The following DCDC1 variants were observed in gnomAD, a reference collection of about 807,000 sequenced individuals.
The protein encoded by DCDC1 is doublecortin domain containing 1, also known as doublecortin domain-containing protein 1.
A neutral mutation model predicts 178.3 loss-of-function variants in DCDC1; 200 were observed. The ratio of observed to expected loss-of-function variants is 1.12; its 90% CI spans 1.00 to 1.26. The LOEUF (loss-of-function observed/expected upper bound fraction) is 1.26, where lower values mean the gene tolerates loss of function less well. DCDC1 is among the 50% of genes most tolerant of loss of function. The probability of loss-of-function intolerance (pLI) is 0.00; values close to 1 mark genes in which losing one functional copy is unlikely to be tolerated. For synonymous variants in DCDC1, 690 were observed against 604.8 expected (o/e 1.14, Z -2.07); for missense variants, 1,983 against 1,749.2 (o/e 1.13, Z -2.38).
intron 21 of DCDC1, among the ~76,000 whole-genome samples, chr11:30,936,686 A>G (rs1382452680): frequency 6.6e-6 from 1 of 152,188 alleles, no homozygotes; most frequent in Non-Finnish European, 1.5e-5. Flanking sequence ...CTGGGCCTTA[A>G]TAAGCACATT....
At chr11:31,020,589 T>C (rs1190016370) in intron 20 of DCDC1, among the ~76,000 whole-genome samples, 1 of 152,114 alleles carries the variant, frequency 6.6e-6, no homozygotes, top group South Asian at 2.1e-4. Context: ...TCTTAGATTA[T>C]TTTATAATTT....
At chr11:31,064,178 A>G (rs1956122496) in intron 20 of DCDC1, among the ~76,000 whole-genome samples, 1 of 152,126 alleles carries the variant, frequency 6.6e-6, no homozygotes, top group Non-Finnish European at 1.5e-5. Flanking sequence ...TATGGTCTGT[A>G]GTACCTTAGC....
chr11:30,967,997 A>G (rs1343627802), intron 20 of DCDC1, among the ~76,000 whole-genome samples: 1 of 152,180 alleles, frequency 6.6e-6, no homozygotes, highest in Non-Finnish European at 1.5e-5. Context: ...ATGAAATAAC[A>G]AGGATGCTTT....
intron 9 of DCDC1, among the ~76,000 whole-genome samples, chr11:31,228,670 T>C (rs960846231): frequency 6.6e-6 from 1 of 151,970 alleles, no homozygotes; most frequent in Non-Finnish European, 1.5e-5. Context: ...ACGAGTTAAG[T>C]AAAAAATGAG....
At chr11:31,321,451 G>A (rs927148053) in intron 3 of DCDC1, among the ~76,000 whole-genome samples, 1 of 151,660 alleles carries the variant, frequency 6.6e-6, no homozygotes, top group African/African-American at 2.4e-5. Context: ...CTTTGACTTG[G>A]AAAGGGAACT....
chr11:31,347,078 GA>G (rs1385999673), intron 1 of DCDC1, among the ~76,000 whole-genome samples: 1 of 152,156 alleles, frequency 6.6e-6, no homozygotes, highest in Non-Finnish European at 1.5e-5. Flanking sequence ...GAGAGTACAT[GA>G]GCAAAAATAT....
In DCDC1 at chr11:31,012,911, A is replaced by G. The variant is rs150677412; in HGVS notation, c.2591+51558T>C. The stretch of plus-strand genomic sequence containing the variant: ...AATAATAAACACTAATTCAGAATAT[A>G]GGTAAACTCTGAAGAACGACTAAGG... On this transcript the variant is annotated intron_variant, in intron 20 of 38. Transcript: ENST00000684477. Among the ~76,000 whole-genome samples the G allele has an allele frequency of 3.9e-3, 594 of 152,316 alleles. 7 individuals carry two copies. Among genetic ancestry groups the G allele is most frequent in the African/African-American group, 0.014 (571 of 41,586 alleles).
rs574379584 is a variant in DCDC1 at position 30,881,347 on chromosome 11, G to A, written c.5083-39C>T. ...GGACAGCCACATTTGAATACGGAAT[G>A]GCACAATATGATCATGTATCAAAGA... On this transcript the variant is annotated intron_variant, in intron 36 of 38. Transcript: ENST00000684477. The A allele has an allele frequency of 5.9e-5, 95 of 1,598,838 alleles. No individual in the cohort carries two copies. In the African/African-American group the frequency reaches 1.1e-3, roughly 18 times the overall value.
At chr11:31,143,644 C>T (rs1394451881) in intron 9 of DCDC1, among the ~76,000 whole-genome samples, 1 of 152,198 alleles carries the variant, frequency 6.6e-6, no homozygotes, top group Non-Finnish European at 1.5e-5. Context: ...TCAAGCTATA[C>T]ATGCTTAACT....
Position 30,931,784 on chromosome 11 carries a change from C to A in DCDC1, c.2884G>T (p.Gly962Ter). Residue 962 changes from glycine to a stop codon, truncating the protein, a stop_gained, in exon 22 of 39, where the codon GGA (glycine) becomes TGA (stop). Coordinates refer to ENST00000684477, the MANE Select transcript of DCDC1 (RefSeq NM_001387274.1). LOFTEE classifies it high-confidence loss of function. ...VTILGPDISP[G>*]RKTQCTEILN... ...AGTTGTTCTTACTGCGTTTTCCGTC[C>A]AGGTGAGATATCTGGACCAAGGATA... is the stretch of plus-strand genomic sequence containing the variant. The A allele has an allele frequency of 6.2e-7, 1 of 1,610,292 alleles. No homozygotes were observed. Among genetic ancestry groups the A allele is most frequent in the Non-Finnish European group, 8.5e-7 (1 of 1,178,024 alleles).
At chr11:31,213,653 G>A (rs1378870429) in intron 9 of DCDC1, among the ~76,000 whole-genome samples, 2 of 151,572 alleles carry the variant, frequency 1.3e-5, no homozygotes, top group Admixed American at 6.6e-5. Context: ...CCGGGAGATG[G>A]AGGTTGCAGT....
intron 6 of DCDC1, among the ~76,000 whole-genome samples, chr11:31,294,049 TCAA>T (rs1458217442): frequency 2.0e-5 from 3 of 152,210 alleles, no homozygotes; most frequent in African/African-American, 7.2e-5. Context: ...GCTTATTCAT[TCAA>T]CAATATTTAC....
intron 9 of DCDC1, among the ~76,000 whole-genome samples, chr11:31,232,740 A>G (rs1018198034): frequency 2.6e-5 from 4 of 152,154 alleles, no homozygotes; most frequent in Non-Finnish European, 5.9e-5. Flanking sequence ...TATAATATTA[A>G]TAATAAAGAT....
chr11:31,151,257 T>C (rs980422799), intron 9 of DCDC1, among the ~76,000 whole-genome samples: 1 of 152,212 alleles, frequency 6.6e-6, no homozygotes, highest in Non-Finnish European at 1.5e-5. Context: ...CCAGAAAATA[T>C]GATAAAATGA....
At chr11:31,310,308 A>ATTTTTTTTTTTTTTTTTT (rs11407483) in intron 3 of DCDC1, among the ~76,000 whole-genome samples, 2 of 53,864 alleles carry the variant, frequency 3.7e-5, no homozygotes, top group African/African-American at 1.7e-4. Context: ...GTAATTCTTG[A>ATTTTTTTTTTTTTTTTTT]TTTTTTTTTT....
intron 8 of DCDC1, among the ~76,000 whole-genome samples, chr11:31,261,764 AG>A (rs1329432121): frequency 6.6e-6 from 1 of 152,216 alleles, no homozygotes. Context: ...GACCATCTGT[AG>A]GAATATGGCA....
chr11:30,974,338 G>GA (rs1237032778), intron 20 of DCDC1, among the ~76,000 whole-genome samples: 2 of 146,772 alleles, frequency 1.4e-5, no homozygotes, highest in South Asian at 2.1e-4. Context: ...ACAAAAGCAA[G>GA]AAAAAAATCC....
chr11:30,918,104 T>C (rs576309450), intron 25 of DCDC1, among the ~76,000 whole-genome samples: 2 of 151,362 alleles, frequency 1.3e-5, no homozygotes, highest in South Asian at 2.1e-4. Flanking sequence ...TTCTCATCAA[T>C]TCCATTTCTT....
intron 9 of DCDC1, among the ~76,000 whole-genome samples, chr11:31,204,522 C>G (rs1281662012): frequency 6.6e-6 from 1 of 151,898 alleles, no homozygotes; most frequent in African/African-American, 2.4e-5. Context: ...AGATTGAAAA[C>G]TTTCATCAAA....
Sources: allele counts gnomAD v4.1 joint callset (sites outside exome capture counted in the v4.1 genomes callset), GRCh38; gene constraint gnomAD v4.1.1; transcripts MANE v1.5; gene names NCBI Gene and HGNC (gene_info 2026-07-23, HGNC 2026-07-21).